Variants in ZNF529 observed in about 807,000 individuals in gnomAD.
ZNF529 encodes zinc finger protein 529.
In ZNF529, 11 loss-of-function variants were observed where a neutral mutation model predicts 10.1. That is an observed-to-expected ratio of 1.09 (90% CI 0.69 to 1.81). ZNF529 has a LOEUF of 1.81. Ranked by LOEUF, ZNF529 falls within the 40% of genes most tolerant of loss-of-function variation. ZNF529 has a pLI of 0.00. For synonymous variants in ZNF529, 204 were observed against 215.7 expected, an observed-to-expected ratio of 0.95 and a Z score of 0.47; for missense variants, 624 against 666.8, an observed-to-expected ratio of 0.94 and a Z score of 0.71.
At chr19:36,553,684 C>T (rs2035349678) in intron 4 of ZNF529, among the ~76,000 whole-genome samples, 1 of 152,082 alleles carries the variant, frequency 6.6e-6, no homozygotes, top group South Asian at 2.1e-4. Context: ...TCAGGACACA[C>T]AGTATGTTAA....
chr19:36,587,127 T>C (rs2145259962), intron 2 of ZNF529, among the ~76,000 whole-genome samples: 1 of 152,158 alleles, frequency 6.6e-6, no homozygotes, highest in Admixed American at 6.5e-5. Flanking sequence ...TAGCCAGGCG[T>C]GGTGGCGAGC....
At chr19:36,577,432 C>T (rs1226312147), upstream of ZNF529, 1 of 205,544 alleles carries the variant, frequency 4.9e-6, no homozygotes, top group African/African-American at 2.4e-5. Context: ...CAGCTCTATT[C>T]TAGTGGTCAC....
Position 36,601,474 on chromosome 19 carries a change from C to T in ZNF529, c.-128+3652G>A, listed in dbSNP as rs2036922700. 3.3e-5 allele frequency among the ~76,000 whole-genome samples: 5 copies of T among 151,986 alleles called. No individual in the cohort carries two copies. In the South Asian group the frequency reaches 1.0e-3, roughly 32 times the overall value. On this transcript the variant is annotated intron_variant, in intron 1 of 4. Transcript: ENST00000585960. ...GGCTGAGGTGGGAGGACTGCTTGAGCCCAGGAGTTCCAGGCTGTAGTGAGC... is the reference window on the plus strand; with the variant it reads ...GGCTGAGGTGGGAGGACTGCTTGAGTCCAGGAGTTCCAGGCTGTAGTGAGC...
chr19:36,546,957 T>C lies in ZNF529; in HGVS notation c.1601A>G (p.Tyr534Cys), dbSNP rs375503527. 2.5e-6 allele frequency: 4 copies of C among 1,613,794 alleles called. No homozygotes were observed. Among genetic ancestry groups the C allele is most frequent in the African/African-American group, 2.7e-5 (2 of 74,920 alleles). Residue 534 changes from tyrosine (Y) to cysteine (C), a missense_variant, in exon 5 of 5, where the codon TAT becomes TGT. Coordinates refer to ENST00000591340, the MANE Select transcript of ZNF529 (RefSeq NM_020951.5). ...GGAATTCCCACACTCCTTACATTCA[T>C]AGGGTTTATCATCAGTATGAATGCG... ...HQRIHTDDKP[Y>C]ECKECGNSFS...
rs534940824 is a variant in ZNF529 at position 36,554,302 on chromosome 19, G to A, written c.235+368C>T. 2.2e-3 allele frequency among the ~76,000 whole-genome samples: 337 copies of A among 152,202 alleles called. 2 individuals carry two copies. The highest frequency in any genetic ancestry group is 7.9e-3 in the African/African-American group (327 of 41,520). ...TTTCTTAAAACATAGCCTTGAGGACGGCGCAGTGGCTCACACCTGTAATCC... is the reference window on the plus strand; with the variant it reads ...TTTCTTAAAACATAGCCTTGAGGACAGCGCAGTGGCTCACACCTGTAATCC... On this transcript the variant is annotated intron_variant, in intron 4 of 4. Transcript: ENST00000591340.
At chr19:36,578,219 C>T (rs948822501), upstream of ZNF529, among the ~76,000 whole-genome samples, 10 of 147,498 alleles carry the variant, frequency 6.8e-5, no homozygotes, top group East Asian at 2.0e-4. Flanking sequence ...CCTGCGCCAC[C>T]GCACGCAGCT....
chr19:36,567,154 C>T (rs900948488), intron 2 of ZNF529, among the ~76,000 whole-genome samples: 1 of 152,112 alleles, frequency 6.6e-6, no homozygotes, highest in Non-Finnish European at 1.5e-5. Flanking sequence ...TAGATATATT[C>T]ATCAATGGAA....
upstream of ZNF529, chr19:36,577,031 C>T: frequency 6.1e-6 from 2 of 326,786 alleles, no homozygotes; most frequent in Middle Eastern, 1.1e-3. Flanking sequence ...TGGCTCACTG[C>T]AGCCTCGACC....
intron 2 of ZNF529, among the ~76,000 whole-genome samples, chr19:36,579,502 C>T (rs918772025): frequency 6.6e-6 from 1 of 152,192 alleles, no homozygotes; most frequent in African/African-American, 2.4e-5. Flanking sequence ...AATGGGGTAG[C>T]CTACTACATA....
intron 2 of ZNF529, among the ~76,000 whole-genome samples, chr19:36,561,442 G>A (rs1319019952): frequency 6.6e-6 from 1 of 151,478 alleles, no homozygotes; most frequent in Non-Finnish European, 1.5e-5. Context: ...GAGTGCAGTG[G>A]TGCGATCTTG....
Position 36,573,257 on chromosome 19 carries a change from G to C in ZNF529, c.-164C>G. 1 of 307,206 alleles carries C rather than the reference G, an allele frequency of 3.3e-6. No homozygotes were observed. Among genetic ancestry groups the C allele is most frequent in the South Asian group, 2.5e-5 (1 of 40,420 alleles). The allele number at this position is 307,206 out of a possible 1,614,324, so 19.0% of individuals were successfully genotyped here. The stretch of plus-strand genomic sequence containing the variant: ...GAGCTCCTCCCGCAGCCCGGCCCGG[G>C]TCACCTCGACTCGCCAGGCTTAACT... On this transcript the variant is annotated 5_prime_UTR_variant, in exon 1 of 5. Coordinates refer to ENST00000591340, the MANE Select transcript of ZNF529 (RefSeq NM_020951.5).
intron 2 of ZNF529, among the ~76,000 whole-genome samples, chr19:36,587,634 A>G (rs993120851): frequency 6.6e-6 from 1 of 152,228 alleles, no homozygotes; most frequent in Non-Finnish European, 1.5e-5. Flanking sequence ...TGAATGGGTA[A>G]GCAAGATGTC....
chr19:36,547,664 AGT>A lies in ZNF529; in HGVS notation c.892_893del (p.Thr298SerfsTer8). ...GKSFRVHAQLTRHQKIHTDEK... is the reference protein window; with the variant it reads ...GKSFRVHAQLXRHQKIHTDEK... ...CATCAGTATGGATTTTCTGATGTCG[AGT>A]AAGTTGTGCATGCACTCTAAAGGAT... On this transcript the variant is annotated frameshift_variant, in exon 5 of 5. Coordinates refer to ENST00000591340, the MANE Select transcript of ZNF529 (RefSeq NM_020951.5). LOFTEE classifies it low-confidence loss of function (END_TRUNC). The A allele has an allele frequency of 1.2e-6, 2 of 1,613,762 alleles. No individual in the cohort carries two copies. The highest frequency in any genetic ancestry group is 1.7e-6 in the Non-Finnish European group (2 of 1,179,832).
intron 4 of ZNF529, 102 bp downstream of exon 4, chr19:36,554,568 A>G (rs899090313): frequency 5.7e-6 from 6 of 1,049,388 alleles, no homozygotes; most frequent in Non-Finnish European, 5.1e-6. Context: ...ACAGAGTGAG[A>G]CTCCATCTCA....
upstream of ZNF529, among the ~76,000 whole-genome samples, chr19:36,575,452 T>TGCCCA (rs2036292530): frequency 6.7e-6 from 1 of 149,644 alleles, no homozygotes. Context: ...AGATTTGAGG[T>TGCCCA]CCCCTCCCAC....
At chr19:36,554,546 C>G in intron 4 of ZNF529, 124 bp downstream of exon 4, 4 of 825,734 alleles carry the variant, frequency 4.8e-6, no homozygotes, top group Non-Finnish European at 6.6e-6. Context: ...TCACTGCACT[C>G]CAACCTGGGT....
intron 2 of ZNF529, among the ~76,000 whole-genome samples, chr19:36,566,778 G>T (rs1307701808): frequency 1.3e-5 from 2 of 152,064 alleles, no homozygotes; most frequent in African/African-American, 2.4e-5. Context: ...CCAGCACTTT[G>T]GGAGGCCAAG....
upstream of ZNF529, chr19:36,573,360 A>T (rs1460265779): frequency 6.7e-6 from 3 of 448,616 alleles, no homozygotes; most frequent in Non-Finnish European, 1.4e-5. Context: ...AACGTAGTCC[A>T]ACAACGAAAG....
intron 2 of ZNF529, chr19:36,582,185 T>C (rs1437605910): frequency 6.6e-6 from 1 of 152,172 alleles, no homozygotes; most frequent in African/African-American, 2.4e-5. Context: ...GTAGTTATTA[T>C]TTCATGGATA....
Sources: allele counts gnomAD v4.1 joint callset (sites outside exome capture counted in the v4.1 genomes callset), GRCh38; gene constraint gnomAD v4.1.1; transcripts MANE v1.5; gene names NCBI Gene and HGNC (gene_info 2026-07-23, HGNC 2026-07-21).